Variants in SBK1 observed in about 807,000 individuals in gnomAD.
SBK1 encodes the protein serine/threonine-protein kinase SBK1.
In SBK1, 11 loss-of-function variants were observed where a neutral mutation model predicts 24.4. The observed-to-expected ratio is 0.45, with a 90% CI of 0.28 to 0.75. The LOEUF (loss-of-function observed/expected upper bound fraction) is 0.75. Ranked by LOEUF, SBK1 falls within the 30% of genes least tolerant of loss-of-function variation. SBK1 has a pLI of 0.12. For synonymous variants in SBK1, 308 were observed against 284.4 expected (o/e 1.08, Z -0.83); for missense variants, 467 against 620.5 (o/e 0.75, Z 2.63).
chr16:28,287,789 G>A (rs1400888925), upstream of SBK1, among the ~76,000 whole-genome samples: 1 of 152,104 alleles, frequency 6.6e-6, no homozygotes, highest in Admixed American at 6.6e-5. Flanking sequence ...TCAGCTTCCC[G>A]AGTAGCTGAG....
chr16:28,278,447 T>C (rs926670342), intron 1 of SBK1, among the ~76,000 whole-genome samples: 1 of 151,914 alleles, frequency 6.6e-6, no homozygotes, highest in Non-Finnish European at 1.5e-5. Context: ...GCTCAAGCGA[T>C]CCTCCTGCCT....
intron 1 of SBK1, among the ~76,000 whole-genome samples, chr16:28,262,083 C>T (rs1398557704): frequency 6.6e-6 from 1 of 152,232 alleles, no homozygotes; most frequent in Non-Finnish European, 1.5e-5. Context: ...AGTGATGTGT[C>T]CGCCCAGGCT....
At chr16:28,311,172 C>T (rs775523370) in intron 1 of SBK1, among the ~76,000 whole-genome samples, 5 of 152,126 alleles carry the variant, frequency 3.3e-5, no homozygotes, top group African/African-American at 1.2e-4. Context: ...GGGGTGAATC[C>T]GATCCAGCCC....
chr16:28,308,661 C>A (rs544342238), intron 1 of SBK1, among the ~76,000 whole-genome samples: 3 of 151,610 alleles, frequency 2.0e-5, no homozygotes, highest in South Asian at 2.1e-4. Context: ...CTCCTGGGCT[C>A]AAGCAACCCA....
At chr16:28,261,953 G>T (rs1024423584) in intron 1 of SBK1, among the ~76,000 whole-genome samples, 1 of 152,202 alleles carries the variant, frequency 6.6e-6, no homozygotes, top group Non-Finnish European at 1.5e-5. Flanking sequence ...GCCTATGTTT[G>T]CAGGAGCTGG....
intron 1 of SBK1, among the ~76,000 whole-genome samples, chr16:28,278,994 G>A (rs1245910996): frequency 6.6e-5 from 10 of 152,178 alleles, no homozygotes; most frequent in Admixed American, 6.6e-4. Context: ...GGGAGGCCAA[G>A]GCGGGTGGAT....
chr16:28,279,247 C>T (rs2044514064), intron 1 of SBK1, among the ~76,000 whole-genome samples: 1 of 150,522 alleles, frequency 6.6e-6, no homozygotes, highest in African/African-American at 2.4e-5. Flanking sequence ...AAAACACCAT[C>T]ACACAGCTGG....
chr16:28,308,901 C>T (rs916876718), intron 1 of SBK1, among the ~76,000 whole-genome samples: 3 of 152,002 alleles, frequency 2.0e-5, no homozygotes, highest in Admixed American at 1.3e-4. Flanking sequence ...CCTCCCACCT[C>T]GGCCTCCCAA....
intron 1 of SBK1, among the ~76,000 whole-genome samples, chr16:28,294,047 C>G (rs1175651615): frequency 1.3e-5 from 2 of 152,104 alleles, no homozygotes; most frequent in African/African-American, 4.8e-5. Flanking sequence ...CAAGTCTTTC[C>G]CTTCCCCTCC....
At chr16:28,280,768 G>A (rs541482569) in intron 1 of SBK1, among the ~76,000 whole-genome samples, 45 of 152,186 alleles carry the variant, frequency 3.0e-4, no homozygotes, top group Middle Eastern at 3.4e-3. Context: ...GGATTCAAGC[G>A]ATTCTCCTGG....
At chr16:28,315,397 TGACATGAGATAA>T (rs1407982123) in intron 1 of SBK1, among the ~76,000 whole-genome samples, 1 of 151,770 alleles carries the variant, frequency 6.6e-6, no homozygotes, top group East Asian at 1.9e-4. Flanking sequence ...ACTAGAAAAA[TGACATGAGATAA>T]GGGGAAATAA....
intron 1 of SBK1, among the ~76,000 whole-genome samples, chr16:28,303,599 C>T (rs534193172): frequency 2.9e-5 from 4 of 139,960 alleles, no homozygotes; most frequent in Non-Finnish European, 4.5e-5. Flanking sequence ...ACTGCAGCCT[C>T]GAATTCCTGA....
At chr16:28,314,848 G>A (rs891439751) in intron 1 of SBK1, among the ~76,000 whole-genome samples, 1 of 152,134 alleles carries the variant, frequency 6.6e-6, no homozygotes, top group Non-Finnish European at 1.5e-5. Context: ...ATATGGTGGC[G>A]CACACCTGTA....
intron 1 of SBK1, among the ~76,000 whole-genome samples, chr16:28,293,776 CTT>C (rs2044619383): frequency 1.3e-5 from 2 of 151,882 alleles, no homozygotes; most frequent in African/African-American, 4.8e-5. Flanking sequence ...GGGTGTGTGT[CTT>C]TGTCTGTGAG....
At chr16:28,266,047 C>T (rs183820771) in intron 1 of SBK1, among the ~76,000 whole-genome samples, 54 of 151,860 alleles carry the variant, frequency 3.6e-4, no homozygotes, top group African/African-American at 1.3e-3. Flanking sequence ...TGAACACACA[C>T]ATGTAATTTC....
intron 1 of SBK1, among the ~76,000 whole-genome samples, chr16:28,297,717 A>C (rs1340088898): frequency 1.3e-5 from 2 of 152,214 alleles, no homozygotes; most frequent in African/African-American, 4.8e-5. Context: ...CATATCAAAA[A>C]TGCTCACTAA....
Position 28,319,785 on chromosome 16 carries a change from G to T in SBK1, c.430-291G>T, listed in dbSNP as rs1409779319. Among the ~76,000 whole-genome samples, 1 of 152,144 alleles carries T rather than the reference G, an allele frequency of 6.6e-6. No individual in the cohort carries two copies. Among genetic ancestry groups the T allele is most frequent in the Non-Finnish European group, 1.5e-5 (1 of 68,020 alleles). ...AGCAGGCAGGGCAAAATGACAGCAG[G>T]TGGAGGGCGCCGCGGACCCCCTCAT... On this transcript the variant is annotated intron_variant, in intron 3 of 3. Coordinates refer to ENST00000341901, the MANE Select transcript of SBK1 (RefSeq NM_001024401.3). This position sits in a 1 kb window ranked among gnomAD's most constrained non-coding sequence, Gnocchi z 4.0.
At chr16:28,305,487 C>T (rs371113469) in intron 1 of SBK1, among the ~76,000 whole-genome samples, 2 of 151,916 alleles carry the variant, frequency 1.3e-5, no homozygotes, top group African/African-American at 4.8e-5. Context: ...GCTGGGATTA[C>T]AGGTGTGAGC....
rs2044385286 is a variant in SBK1, at chr16:28,259,701, GC to G, written c.257+203del. Among the ~76,000 whole-genome samples, 1 of 152,000 alleles carries G rather than the reference GC, an allele frequency of 6.6e-6. No individual in the cohort carries two copies. Among genetic ancestry groups the G allele is most frequent in the African/African-American group, 2.4e-5 (1 of 41,380 alleles). On this transcript the variant is annotated intron_variant, in intron 1 of 3. Coordinates refer to the SBK1 transcript ENST00000671413. The surrounding 1 kb of genome is among the most constrained non-coding windows in gnomAD (Gnocchi z 6.0). ...CCTCCTTCCTATCTCCCCCACCCTA[GC>G]CCCAGAGTGGCTTTCACGTCCTCTC...
Sources: gnomAD v4.1 joint callset for allele counts (sites outside exome capture counted in the v4.1 genomes callset) on GRCh38, gnomAD v4.1.1 for gene constraint, Gnocchi (gnomAD v3.1) non-coding constraint, MANE v1.5 for transcripts, NCBI Gene and HGNC (gene_info 2026-07-23, HGNC 2026-07-21) for gene names.